The following EYS variants were observed in gnomAD, a reference collection of about 807,000 sequenced individuals.
The protein encoded by EYS is EGF-like photoreceptor maintenance factor, also known as protein eyes shut homolog.
A neutral mutation model predicts 282.1 loss-of-function variants in EYS; 250 were observed. That is an observed-to-expected ratio of 0.89 (90% CI 0.80 to 0.98). EYS has a LOEUF of 0.98. EYS is among the 50% of genes least tolerant of loss of function. The pLI is 0.00. For synonymous variants in EYS, 1,355 were observed against 1,282.9 expected (o/e 1.06, Z -1.20); for missense variants, 4,016 against 3,709.0 (o/e 1.08, Z -2.15).
chr6:65,434,855 TTG>T (rs920152869), intron 5 of EYS, among the ~76,000 whole-genome samples: 10 of 152,102 alleles, frequency 6.6e-5, no homozygotes, highest in Admixed American at 3.3e-4. Context: ...GAAGACCTGT[TTG>T]TCTCATTTCA....
intron 12 of EYS, among the ~76,000 whole-genome samples, chr6:65,070,319 A>G (rs1773867697): frequency 6.6e-6 from 1 of 151,902 alleles, no homozygotes; most frequent in Non-Finnish European, 1.5e-5. Flanking sequence ...CTCTTAAGGT[A>G]AAAGCCCAAA....
intron 11 of EYS, among the ~76,000 whole-genome samples, chr6:65,323,471 A>G (rs1254146108): frequency 6.6e-6 from 1 of 152,198 alleles, no homozygotes; most frequent in African/African-American, 2.4e-5. Context: ...GCATATATGT[A>G]ATAAAGTTTT....
chr6:65,612,771 T>TA (rs11385339), intron 2 of EYS, among the ~76,000 whole-genome samples: 53,841 of 151,244 alleles, frequency 0.36, 11,978 homozygotes, highest in Non-Finnish European at 0.49. Flanking sequence ...TATTATAACT[T>TA]AAAAAAGCAA....
At chr6:64,649,513 A>G (rs1394191816) in intron 22 of EYS, among the ~76,000 whole-genome samples, 1 of 151,984 alleles carries the variant, frequency 6.6e-6, no homozygotes, top group Non-Finnish European at 1.5e-5. Flanking sequence ...CTAGTAGTAG[A>G]AACTTTAGTA....
intron 26 of EYS, among the ~76,000 whole-genome samples, chr6:64,495,777 G>A (rs1204404127): frequency 2.6e-5 from 4 of 151,700 alleles, no homozygotes; most frequent in Admixed American, 1.3e-4. Context: ...AATCACTAAT[G>A]ATTCTCTAGT....
chr6:64,822,840 A>G lies in EYS; in HGVS notation c.2993-18T>C. ...GTTGATGCCTGTGTTGGAACAGACA[A>G]GGCAAAACATGAAACCATTTAAATA... is the stretch of plus-strand genomic sequence containing the variant. On this transcript the variant is annotated intron_variant, in intron 19 of 42. Coordinates refer to ENST00000503581, the MANE Select transcript of EYS (RefSeq NM_001142800.2). The G allele has an allele frequency of 6.5e-7, 1 of 1,536,468 alleles. No individual in the cohort carries two copies. The highest frequency in any genetic ancestry group is 1.2e-5 in the South Asian group (1 of 80,720).
intron 22 of EYS, among the ~76,000 whole-genome samples, chr6:64,796,802 A>C (rs183114226): frequency 2.0e-4 from 30 of 152,282 alleles, no homozygotes; most frequent in Middle Eastern, 3.4e-3. Context: ...ACACCGTTTA[A>C]GCCTCAGGTA....
chr6:64,814,641 AT>A lies in EYS; in HGVS notation c.3244-1065del, dbSNP rs1477075657. 3.3e-5 allele frequency among the ~76,000 whole-genome samples: 5 copies of A among 152,068 alleles called. No individual in the cohort carries two copies. The East Asian group carries it at 7.7e-4, about 23-fold the overall frequency. ...CATAGTACCACAAACATGGTATGACATTATTTTTCATAATGTAAACTGAAAA... is the reference window on the plus strand; with the variant it reads ...CATAGTACCACAAACATGGTATGACATATTTTTCATAATGTAAACTGAAAA... On this transcript the variant is annotated intron_variant, in intron 21 of 42. Transcript: ENST00000503581.
chr6:65,193,444 A>C (rs945937136), intron 12 of EYS, among the ~76,000 whole-genome samples: 1 of 151,822 alleles, frequency 6.6e-6, no homozygotes. Context: ...CGCCTTTTCA[A>C]AAAGGTGAAG....
At chr6:64,500,558 T>G (rs1777006999) in intron 26 of EYS, among the ~76,000 whole-genome samples, 1 of 152,140 alleles carries the variant, frequency 6.6e-6, no homozygotes, top group Non-Finnish European at 1.5e-5. Context: ...AAAATTTTTT[T>G]GTGTCAATTA....
At chr6:64,245,426 T>C (rs901841249) in intron 30 of EYS, among the ~76,000 whole-genome samples, 1 of 149,320 alleles carries the variant, frequency 6.7e-6, no homozygotes, top group Non-Finnish European at 1.5e-5. Flanking sequence ...GCGATCCTCT[T>C]ACCTAAGCCT....
At chr6:65,225,801 T>C (rs923438943) in intron 12 of EYS, among the ~76,000 whole-genome samples, 2 of 150,414 alleles carry the variant, frequency 1.3e-5, no homozygotes, top group South Asian at 2.1e-4. Context: ...ATCAACTCAA[T>C]TGATGAAGAA....
chr6:64,216,665 G>A (rs1014560311), intron 31 of EYS, among the ~76,000 whole-genome samples: 2 of 152,176 alleles, frequency 1.3e-5, no homozygotes, highest in African/African-American at 4.8e-5. Flanking sequence ...TGCAAACAAT[G>A]GGTAGCAAAG....
intron 35 of EYS, among the ~76,000 whole-genome samples, chr6:63,956,518 T>C (rs1765829788): frequency 1.3e-5 from 2 of 152,222 alleles, no homozygotes; most frequent in Non-Finnish European, 2.9e-5. Context: ...TGGACGTGCA[T>C]GACACTGCTT....
At chr6:65,038,909 T>A (rs1438984987) in intron 13 of EYS, among the ~76,000 whole-genome samples, 1 of 151,558 alleles carries the variant, frequency 6.6e-6, no homozygotes. Flanking sequence ...TAGTGAATTA[T>A]AAGCGCTGTC....
chr6:65,425,673 A>G (rs1378723055), intron 5 of EYS, among the ~76,000 whole-genome samples: 2 of 152,128 alleles, frequency 1.3e-5, no homozygotes, highest in African/African-American at 2.4e-5. Flanking sequence ...CAGTGAGCAG[A>G]GGCTAAGAAT....
rs11968374 is a variant in EYS at position 64,358,359 on chromosome 6, G to C, written c.6078+30331C>G. ...GTGGCAAAACTTGGTGGACAATATA[G>C]TGTTGAATTGCACATAAAAAGAGAG... On this transcript the variant is annotated intron_variant, in intron 29 of 42. Coordinates refer to ENST00000503581, the MANE Select transcript of EYS (RefSeq NM_001142800.2). Among the ~76,000 whole-genome samples the C allele has an allele frequency of 4.7e-3, 714 of 151,744 alleles. 5 individuals carry two copies. The highest frequency in any genetic ancestry group is 0.016 in the African/African-American group (662 of 41,480).
chr6:64,527,190 T>G (rs1177419592), intron 26 of EYS, among the ~76,000 whole-genome samples: 1 of 151,818 alleles, frequency 6.6e-6, no homozygotes, highest in Non-Finnish European at 1.5e-5. Flanking sequence ...AGTCAACAAA[T>G]GTTTTCACAT....
At chr6:65,302,625 CTGTT>C (rs1768877896) in intron 11 of EYS, 7 of 1,197,840 alleles carry the variant, frequency 5.8e-6, no homozygotes, top group South Asian at 1.2e-5. Context: ...GGCAATGAAA[CTGTT>C]TGCACATTAT....
Sources: allele counts gnomAD v4.1 joint callset (sites outside exome capture counted in the v4.1 genomes callset), GRCh38; gene constraint gnomAD v4.1.1; transcripts MANE v1.5; gene names NCBI Gene and HGNC (gene_info 2026-07-23, HGNC 2026-07-21).